The following MARCHF6 variants were observed in gnomAD, a reference collection of about 807,000 sequenced individuals.
MARCHF6 encodes membrane associated ring-CH-type finger 6.
A neutral mutation model predicts 133.7 loss-of-function variants in MARCHF6; 31 were observed. The observed-to-expected ratio is 0.23, with a 90% CI of 0.17 to 0.31. The LOEUF is 0.31. Among genes scored for constraint, MARCHF6 ranks in the 10% least tolerant of loss-of-function variants. The pLI is 1.00. For synonymous variants in MARCHF6, 395 were observed against 402.5 expected (o/e 0.98, Z 0.22); for missense variants, 723 against 1,121.6 (o/e 0.64, Z 5.08).
At chr5:10,419,017 A>G (rs920059158) in intron 22 of MARCHF6, among the ~76,000 whole-genome samples, 5 of 152,222 alleles carry the variant, frequency 3.3e-5, no homozygotes, top group Non-Finnish European at 1.5e-5. Flanking sequence ...TCCAGGAGGG[A>G]GATGGGCAGA....
At chr5:10,380,155 TTGTGTG>T (rs200405883) in intron 3 of MARCHF6, among the ~76,000 whole-genome samples, 1,845 of 145,798 alleles carry the variant, frequency 0.013, 66 homozygotes, top group Admixed American at 0.074. Flanking sequence ...TGTGTTTTAG[TTGTGTG>T]TGTGTGTGTG....
At chr5:10,398,072 A>G (rs1738293660) in intron 10 of MARCHF6, among the ~76,000 whole-genome samples, 1 of 152,166 alleles carries the variant, frequency 6.6e-6, no homozygotes, top group Non-Finnish European at 1.5e-5. Flanking sequence ...GAATGGGGTT[A>G]TTGTTAGGTG....
rs200405883 is a variant in MARCHF6, at chr5:10,380,155, TTGTGTGTGTGTG to T, written c.190+1349_190+1360del. Among the ~76,000 whole-genome samples the T allele has an allele frequency of 2.7e-3, 390 of 145,852 alleles. 2 individuals carry two copies. Among genetic ancestry groups the T allele is most frequent in the Admixed American group, 4.6e-3 (67 of 14,722 alleles). The stretch of plus-strand genomic sequence containing the variant: ...CTTACAAAGGATTTTTGTGTTTTAG[TTGTGTGTGTGTG>T]TGTGTGTGTGTGTGTGTGTGTGTGT... On this transcript the variant is annotated intron_variant, in intron 3 of 25. Coordinates refer to ENST00000274140, the MANE Select transcript of MARCHF6 (RefSeq NM_005885.4).
chr5:10,422,781 A>G (rs1739891000), intron 22 of MARCHF6, among the ~76,000 whole-genome samples: 1 of 146,598 alleles, frequency 6.8e-6, no homozygotes. Flanking sequence ...ATCTGAGCAA[A>G]GTCCATATGA....
intron 1 of MARCHF6, among the ~76,000 whole-genome samples, chr5:10,374,384 C>G (rs1561105748): frequency 6.6e-6 from 1 of 152,144 alleles, no homozygotes; most frequent in Non-Finnish European, 1.5e-5. Context: ...GTCCATGCCT[C>G]TTGTCTTTTT....
chr5:10,394,750 T>C lies in MARCHF6; in HGVS notation c.829-3T>C. 6.3e-7 allele frequency: 1 copy of C among 1,588,490 alleles called. No individual in the cohort carries two copies. Among genetic ancestry groups the C allele is most frequent in the Non-Finnish European group, 8.6e-7 (1 of 1,163,884 alleles). ...TAATGCTTATCGTTTTTGTTTATTT[T>C]AGATGCTAGGACTTGATGGATCACT... On this transcript the variant is annotated splice_region_variant and splice_polypyrimidine_tract_variant and intron_variant, in intron 8 of 25. Coordinates refer to ENST00000274140, the MANE Select transcript of MARCHF6 (RefSeq NM_005885.4).
chr5:10,431,237 G>C (rs1241947245), intron 25 of MARCHF6, among the ~76,000 whole-genome samples: 2 of 152,168 alleles, frequency 1.3e-5, no homozygotes, highest in Non-Finnish European at 2.9e-5. Flanking sequence ...GAAAGAAGGG[G>C]AAGGGGTATT....
At chr5:10,419,455 A>G (rs1343536368) in intron 22 of MARCHF6, among the ~76,000 whole-genome samples, 1 of 152,222 alleles carries the variant, frequency 6.6e-6, no homozygotes, top group Non-Finnish European at 1.5e-5. Flanking sequence ...TATTAAATGC[A>G]TTTTTGACTT....
intron 20 of MARCHF6, among the ~76,000 whole-genome samples, chr5:10,414,757 G>A (rs1261922512): frequency 3.3e-5 from 5 of 152,176 alleles, no homozygotes; most frequent in Admixed American, 6.5e-5. Flanking sequence ...GGGTCTTACT[G>A]TTCTCTCTAG....
chr5:10,375,745 C>T (rs1736739359), intron 1 of MARCHF6, among the ~76,000 whole-genome samples: 1 of 152,194 alleles, frequency 6.6e-6, no homozygotes, highest in Admixed American at 6.5e-5. Flanking sequence ...TATCTAGCTG[C>T]TCTGGTGGAG....
At position 10,436,042 on chromosome 5, in the gene MARCHF6, T is replaced by TTTTTG. The variant is rs142129592; in HGVS notation, c.*2378_*2382dup. The TTTTTG allele has an allele frequency of 2.6e-5, 4 of 152,094 alleles. No homozygotes were observed. In the East Asian group the frequency reaches 5.8e-4, roughly 22 times the overall value. 9.4% of individuals were successfully genotyped at this position (152,094 alleles called of 1,614,324 possible). On this transcript the variant is annotated 3_prime_UTR_variant, in exon 26 of 26. Coordinates refer to ENST00000274140, the MANE Select transcript of MARCHF6 (RefSeq NM_005885.4). ...CAACTTGATTATATTAATTTTGGGTTTTTTGTTTTGTTTTGTTTTGTTTTT... is the reference window on the plus strand; with the variant it reads ...CAACTTGATTATATTAATTTTGGGTTTTTTGTTTTGTTTTGTTTTGTTTTGTTTTT...
chr5:10,391,754 C>T lies in MARCHF6; in HGVS notation c.766+23C>T, dbSNP rs186209440. 1,711 of 1,476,134 alleles carry T rather than the reference C, an allele frequency of 1.2e-3. 3 individuals carry two copies. Among genetic ancestry groups the T allele is most frequent in the Non-Finnish European group, 1.5e-3 (1,628 of 1,112,662 alleles). The allele number at this position is 1,476,134 out of a possible 1,614,324, so 91.4% of individuals were successfully genotyped here. On this transcript the variant is annotated intron_variant, in intron 7 of 25. Coordinates refer to ENST00000274140, the MANE Select transcript of MARCHF6 (RefSeq NM_005885.4). ...AGGGTAATGGCTGCTTGTGTGTCCTCACTCTTCAGCACTGCAAATCTGTTC... is the reference window on the plus strand; with the variant it reads ...AGGGTAATGGCTGCTTGTGTGTCCTTACTCTTCAGCACTGCAAATCTGTTC...
intron 5 of MARCHF6, among the ~76,000 whole-genome samples, chr5:10,389,607 TG>T (rs1737695878): frequency 6.6e-6 from 1 of 152,182 alleles, no homozygotes; most frequent in African/African-American, 2.4e-5. Flanking sequence ...TTCACCATGT[TG>T]GCCAGGCTGG....
intron 1 of MARCHF6, among the ~76,000 whole-genome samples, chr5:10,376,901 GTGCA>G (rs2126689137): frequency 6.6e-6 from 1 of 152,324 alleles, no homozygotes; most frequent in East Asian, 1.9e-4. Context: ...GGCTGAAAGT[GTGCA>G]TTAAGTTTCT....
At chr5:10,413,824 C>T (rs1739360034) in intron 19 of MARCHF6, among the ~76,000 whole-genome samples, 1 of 152,198 alleles carries the variant, frequency 6.6e-6, no homozygotes, top group Admixed American at 6.5e-5. Flanking sequence ...CCACCTGGCC[C>T]TTCCCTTGAC....
chr5:10,359,131 C>T (rs1054024851), intron 1 of MARCHF6, among the ~76,000 whole-genome samples: 11 of 152,084 alleles, frequency 7.2e-5, no homozygotes. Flanking sequence ...GCATTTAGTG[C>T]AGTACCCTAA....
intron 2 of MARCHF6, 105 bp from the exon 3 acceptor site, chr5:10,378,654 A>C (rs532027691): frequency 1.4e-6 from 1 of 705,170 alleles, no homozygotes; most frequent in South Asian, 1.9e-5. Context: ...TTTGAAACTA[A>C]AAGCTCTGTG....
chr5:10,420,850 G>T (rs1739787968), intron 22 of MARCHF6, among the ~76,000 whole-genome samples: 1 of 152,142 alleles, frequency 6.6e-6, no homozygotes, highest in African/African-American at 2.4e-5. Flanking sequence ...TTCTAGATAA[G>T]ATTTATTTAT....
chr5:10,429,680 C>T (rs1299422421), intron 24 of MARCHF6, among the ~76,000 whole-genome samples: 3 of 152,132 alleles, frequency 2.0e-5, no homozygotes, highest in East Asian at 1.9e-4. Context: ...GGATTACAGG[C>T]GCGAGCTACT....
Sources: allele counts gnomAD v4.1 joint callset (sites outside exome capture counted in the v4.1 genomes callset), GRCh38; gene constraint gnomAD v4.1.1; transcripts MANE v1.5; gene names NCBI Gene and HGNC (gene_info 2026-07-23, HGNC 2026-07-21).